The following RAB8B variants were observed in gnomAD, a reference collection of about 807,000 sequenced individuals.
RAB8B encodes the protein ras-related protein Rab-8B.
Under a neutral mutation model 32.0 loss-of-function variants are expected in RAB8B, and 11 were observed. That is an observed-to-expected ratio of 0.34 (90% confidence interval 0.22 to 0.57). RAB8B has a LOEUF of 0.57. RAB8B is among the 20% of genes least tolerant of loss of function. RAB8B has a pLI of 0.86. For missense variants in RAB8B, 190 were observed against 258.5 expected, an observed-to-expected ratio of 0.73 and a Z score of 1.82; for synonymous variants, 103 against 89.6, an observed-to-expected ratio of 1.15 and a Z score of -0.85.
intron 1 of RAB8B, among the ~76,000 whole-genome samples, chr15:63,202,531 A>G (rs2037661707): frequency 6.6e-6 from 1 of 152,178 alleles, no homozygotes; most frequent in African/African-American, 2.4e-5. Context: ...GACAGAGTTT[A>G]ATTATGAATC....
intron 1 of RAB8B, among the ~76,000 whole-genome samples, chr15:63,220,638 C>G (rs1252203552): frequency 6.6e-6 from 1 of 151,998 alleles, no homozygotes; most frequent in African/African-American, 2.4e-5. Context: ...TAAAGTTACC[C>G]AAATATGTAA....
intron 1 of RAB8B, among the ~76,000 whole-genome samples, chr15:63,219,881 CTT>C (rs1254646808): frequency 2.0e-5 from 3 of 152,126 alleles, no homozygotes; most frequent in African/African-American, 7.2e-5. Context: ...TATTATCTCT[CTT>C]CTTTTTTGGT....
At chr15:63,198,846 A>G (rs2141107964) in intron 1 of RAB8B, among the ~76,000 whole-genome samples, 1 of 152,246 alleles carries the variant, frequency 6.6e-6, no homozygotes, top group East Asian at 1.9e-4. Context: ...TGGATATTGC[A>G]GCATACTCTA....
Position 63,214,416 on chromosome 15 carries a change from C to T in RAB8B, c.124+24668C>T, listed in dbSNP as rs1180583087. ...CAGCGATTCTCCTGCCTCAGCCTCCCGGGTAGCTGGGATTACAGGCAGGTG... is the reference window on the plus strand; with the variant it reads ...CAGCGATTCTCCTGCCTCAGCCTCCTGGGTAGCTGGGATTACAGGCAGGTG... On this transcript the variant is annotated intron_variant, in intron 1 of 7. Coordinates refer to ENST00000321437, the MANE Select transcript of RAB8B (RefSeq NM_016530.3). Among the ~76,000 whole-genome samples, 6 of 151,428 alleles carry T rather than the reference C, an allele frequency of 4.0e-5. No homozygotes were observed. The East Asian group carries it at 5.9e-4, about 15-fold the overall frequency.
chr15:63,225,117 TCAGA>T (rs1402675146), intron 1 of RAB8B, among the ~76,000 whole-genome samples: 1 of 152,246 alleles, frequency 6.6e-6, no homozygotes, highest in Non-Finnish European at 1.5e-5. Flanking sequence ...ATCATGCTTA[TCAGA>T]CAAAGGACTT....
chr15:63,197,414 C>G (rs556241375), intron 1 of RAB8B, among the ~76,000 whole-genome samples: 8 of 124,772 alleles, frequency 6.4e-5, no homozygotes, highest in African/African-American at 2.2e-4. Context: ...TGTTCTTTCG[C>G]CCAGGCTGGA....
chr15:63,190,712 T>C (rs1204219095), intron 1 of RAB8B, among the ~76,000 whole-genome samples: 2 of 152,178 alleles, frequency 1.3e-5, no homozygotes, highest in Non-Finnish European at 2.9e-5. Context: ...GTCAGGAAAA[T>C]ATGGTTCACC....
At chr15:63,255,177 G>T (rs1391746042) in intron 3 of RAB8B, among the ~76,000 whole-genome samples, 1 of 152,118 alleles carries the variant, frequency 6.6e-6, no homozygotes, top group African/African-American at 2.4e-5. Context: ...CAATGTTATC[G>T]CTGTTTTGAC....
At chr15:63,237,994 CT>C (rs2037997167) in intron 1 of RAB8B, among the ~76,000 whole-genome samples, 1 of 151,880 alleles carries the variant, frequency 6.6e-6, no homozygotes, top group South Asian at 2.1e-4. Context: ...AGAGACTGTC[CT>C]TTCCCCCAAT....
At chr15:63,263,441 A>C in intron 7 of RAB8B, 86 bp from the exon 8 acceptor site, 1 of 942,494 alleles carries the variant, frequency 1.1e-6, no homozygotes, top group Non-Finnish European at 1.7e-6. Flanking sequence ...TTCACATGGT[A>C]TGGTTAGTTA....
chr15:63,200,809 T>G (rs1308518370), intron 1 of RAB8B, among the ~76,000 whole-genome samples: 1 of 152,244 alleles, frequency 6.6e-6, no homozygotes, highest in East Asian at 1.9e-4. Context: ...GAGCATTTGT[T>G]TTTTAATTTC....
intron 1 of RAB8B, among the ~76,000 whole-genome samples, chr15:63,197,337 CT>C (rs36029199): frequency 0.19 from 17,082 of 92,058 alleles, 1,444 homozygotes; most frequent in East Asian, 0.51. Context: ...AAGTGGCTTT[CT>C]TTTTTTTTTT....
In RAB8B at chr15:63,263,788, C is replaced by G; in HGVS notation, c.*169C>G. Reference sequence around the variant, plus strand: ...AGTGGATTCCAGCCTCATGGCCTAGCAAAAGAACAGACTCCCTTTTTCAAA... The same window carrying G: ...AGTGGATTCCAGCCTCATGGCCTAGGAAAAGAACAGACTCCCTTTTTCAAA... On this transcript the variant is annotated 3_prime_UTR_variant, in exon 8 of 8. Coordinates refer to ENST00000321437, the MANE Select transcript of RAB8B (RefSeq NM_016530.3). The G allele has an allele frequency of 1.9e-6, 1 of 515,620 alleles. No homozygotes were observed. Among genetic ancestry groups the G allele is most frequent in the Non-Finnish European group, 3.4e-6 (1 of 290,830 alleles). The allele number at this position is 515,620 out of a possible 1,614,324, so 31.9% of individuals were successfully genotyped here. A position where few individuals can be genotyped will look rare whatever the true frequency, so the allele number is the denominator to read the frequency against.
intron 1 of RAB8B, among the ~76,000 whole-genome samples, chr15:63,193,469 A>G (rs889250007): frequency 6.6e-6 from 1 of 152,180 alleles, no homozygotes; most frequent in African/African-American, 2.4e-5. Context: ...CAAATGTTTG[A>G]AAATTGAATT....
Position 63,197,649 on chromosome 15 carries a change from C to T in RAB8B, c.124+7901C>T, listed in dbSNP as rs148566296. On this transcript the variant is annotated intron_variant, in intron 1 of 7. Transcript: ENST00000321437. ...TCGGCCTCCCAAAGTGTTAGCATTA[C>T]AGTGAGCCACCACACCTGGCTGAAA... Among the ~76,000 whole-genome samples the T allele has an allele frequency of 5.5e-3, 838 of 152,230 alleles. 7 individuals carry two copies. The highest frequency in any genetic ancestry group is 0.018 in the African/African-American group (748 of 41,528).
At chr15:63,221,536 C>T (rs1252521526) in intron 1 of RAB8B, among the ~76,000 whole-genome samples, 2 of 152,104 alleles carry the variant, frequency 1.3e-5, no homozygotes, top group Non-Finnish European at 2.9e-5. Flanking sequence ...AGTCCTGGCT[C>T]CTCACTTGCC....
intron 6 of RAB8B, among the ~76,000 whole-genome samples, chr15:63,260,799 A>G (rs1278265387): frequency 1.3e-5 from 2 of 152,182 alleles, no homozygotes; most frequent in Non-Finnish European, 2.9e-5. Flanking sequence ...GTGTTAATAC[A>G]TGTAATTCTT....
chr15:63,194,018 C>T (rs1246674150), intron 1 of RAB8B, among the ~76,000 whole-genome samples: 1 of 152,100 alleles, frequency 6.6e-6, no homozygotes. Context: ...AAAGAGATAA[C>T]CCAGCCCTGT....
chr15:63,246,368 A>C (rs1368844010), intron 2 of RAB8B, among the ~76,000 whole-genome samples: 1 of 152,192 alleles, frequency 6.6e-6, no homozygotes, highest in Non-Finnish European at 1.5e-5. Context: ...ACTTCTGACC[A>C]ACTGGCTATA....
Sources: gnomAD v4.1 joint callset for allele counts (sites outside exome capture counted in the v4.1 genomes callset) on GRCh38, gnomAD v4.1.1 for gene constraint, MANE v1.5 for transcripts, NCBI Gene and HGNC (gene_info 2026-07-23, HGNC 2026-07-21) for gene names.